Variants in CTNNB1 observed in about 807,000 individuals in gnomAD.
CTNNB1 encodes catenin beta 1, also known as catenin beta-1.
CTNNB1 carries 6 observed loss-of-function variants against 82.5 expected under a neutral mutation model. The observed-to-expected ratio is 0.07, with a 90% CI of 0.04 to 0.14. The LOEUF (loss-of-function observed/expected upper bound fraction) is 0.14. Among genes scored for constraint, CTNNB1 ranks in the 10% least tolerant of loss-of-function variants. The pLI, the probability that CTNNB1 is intolerant of heterozygous loss-of-function variation, is 1.00. For missense variants in CTNNB1, 529 were observed against 980.4 expected, an observed-to-expected ratio of 0.54 and a Z score of 6.15; for synonymous variants, 312 against 329.7, an observed-to-expected ratio of 0.95 and a Z score of 0.58.
At chr3:41,233,189 T>C (rs1479063987) in intron 7 of CTNNB1, 152 bp from the exon 8 acceptor site, 2 of 728,592 alleles carry the variant, frequency 2.7e-6, no homozygotes, top group African/African-American at 1.8e-5. Flanking sequence ...CTGAGCAACA[T>C]TCTAGAAAAT....
rs534393080 is a variant in CTNNB1 at position 41,216,114 on chromosome 3, A to G, written c.-48-7907A>G. 4.6e-5 allele frequency among the ~76,000 whole-genome samples: 7 copies of G among 152,298 alleles called. No homozygotes were observed. The East Asian group carries it at 7.7e-4, about 17-fold the overall frequency. ...ATTTTAACTGAACGGTTTATTAGCT[A>G]TTCTTACATTAATACTGCTAATCAG... On this transcript the variant is annotated intron_variant, in intron 1 of 14. Transcript: ENST00000349496.
At chr3:41,204,901 A>G (rs981771085) in intron 1 of CTNNB1, among the ~76,000 whole-genome samples, 1 of 152,240 alleles carries the variant, frequency 6.6e-6, no homozygotes, top group African/African-American at 2.4e-5. Context: ...TTATTTAGGC[A>G]CTTGGGAAAT....
chr3:41,214,815 G>A (rs564806381), intron 1 of CTNNB1, among the ~76,000 whole-genome samples: 1 of 151,892 alleles, frequency 6.6e-6, no homozygotes, highest in Non-Finnish European at 1.5e-5. Context: ...ATTTTGTGAC[G>A]TGAAAATTAT....
At chr3:41,211,065 T>C (rs2077773072) in intron 1 of CTNNB1, 1 of 456,468 alleles carries the variant, frequency 2.2e-6, no homozygotes, top group South Asian at 1.5e-5. Flanking sequence ...AGTGCGAGGA[T>C]TACAGGTAAG....
chr3:41,224,173 C>T (rs887847705), intron 2 of CTNNB1, 92 bp downstream of exon 2: 36 of 1,435,874 alleles, frequency 2.5e-5, no homozygotes, highest in Non-Finnish European at 5.9e-6. Context: ...TTTCCTCTCT[C>T]CCTGCTTACT....
intron 1 of CTNNB1, among the ~76,000 whole-genome samples, chr3:41,210,229 G>A (rs543515880): frequency 3.9e-5 from 6 of 152,204 alleles, no homozygotes; most frequent in South Asian, 4.2e-4. Context: ...TGAGGCAGGC[G>A]GATCACGAGG....
rs2078525529 is a variant in CTNNB1, at chr3:41,239,589, G to A, written c.*247G>A. ...TTTAATGTTTTTTGCCACAGCTTTT[G>A]CAACTTAATACTCAAATGAGTAACA... On this transcript the variant is annotated 3_prime_UTR_variant, in exon 15 of 15. Transcript: ENST00000349496. 1.8e-6 allele frequency: 1 copy of A among 546,612 alleles called. No individual in the cohort carries two copies. The highest frequency in any genetic ancestry group is 5.0e-4 in the Middle Eastern group (1 of 1,986). The allele number at this position is 546,612 out of a possible 1,614,324, so 33.9% of individuals were successfully genotyped here. A position where few individuals can be genotyped will look rare whatever the true frequency, so the allele number is the denominator to read the frequency against.
At position 41,240,150 on chromosome 3, in the gene CTNNB1, T is replaced by TGTAACAATTG. The variant is rs2078547419; in HGVS notation, c.*809_*818dup. Reference sequence around the variant, plus strand: ...CTAATTAATTGTAATCTGAATAAAGTGTAACAATTGTGTAGCCTTTTTGTA... The same window carrying TGTAACAATTG: ...CTAATTAATTGTAATCTGAATAAAGTGTAACAATTGGTAACAATTGTGTAGCCTTTTTGTA... On this transcript the variant is annotated 3_prime_UTR_variant, in exon 15 of 15. Transcript: ENST00000349496. The TGTAACAATTG allele has an allele frequency of 4.8e-6, 1 of 207,536 alleles. No homozygotes were observed. Among genetic ancestry groups the TGTAACAATTG allele is most frequent in the East Asian group, 7.4e-5 (1 of 13,492 alleles). 12.9% of individuals were successfully genotyped at this position (207,536 alleles called of 1,614,324 possible). A position where few individuals can be genotyped will look rare whatever the true frequency, so the allele number is the denominator to read the frequency against.
In CTNNB1 at chr3:41,225,932, G is replaced by A. The variant is rs1423266311; in HGVS notation, c.936+71G>A. 6.9e-7 allele frequency: 1 copy of A among 1,440,304 alleles called. No individual in the cohort carries two copies. Among genetic ancestry groups the A allele is most frequent in the Non-Finnish European group, 9.7e-7 (1 of 1,033,452 alleles). The allele number at this position is 1,440,304 out of a possible 1,614,324, so 89.2% of individuals were successfully genotyped here. A position where few individuals can be genotyped will look rare whatever the true frequency, so the allele number is the denominator to read the frequency against. On this transcript the variant is annotated intron_variant, in intron 6 of 14. Transcript: ENST00000349496. The surrounding 1 kb of genome is among the most constrained non-coding windows in gnomAD (Gnocchi z 5.3). Reference sequence around the variant, plus strand: ...CTCCAGTGTCATGTCATTCCATGCAGTGTTCCTAACCTTTTTGGCACCAGG... The same window carrying A: ...CTCCAGTGTCATGTCATTCCATGCAATGTTCCTAACCTTTTTGGCACCAGG...
At chr3:41,217,074 TC>T (rs1186932230) in intron 1 of CTNNB1, among the ~76,000 whole-genome samples, 1 of 152,218 alleles carries the variant, frequency 6.6e-6, no homozygotes, top group Non-Finnish European at 1.5e-5. Context: ...TCCTTACTGA[TC>T]TGATTCTCAT....
rs1015949085 is a variant in CTNNB1 at position 41,225,843 on chromosome 3, T to C, written c.918T>C (p.Tyr306=). Residue 306 remains tyrosine (Y), a synonymous_variant, in exon 6 of 15, where the codon TAT becomes TAC. Coordinates refer to ENST00000349496, the MANE Select transcript of CTNNB1 (RefSeq NM_001904.4). This position sits in a 1 kb window ranked among gnomAD's most constrained non-coding sequence, Gnocchi z 5.3. The stretch of plus-strand genomic sequence containing the variant: ...CAGACTGCCTTCAAATTTTAGCTTA[T>C]GGCAACCAAGAAAGCAAGGTAAGAG... ...ITTDCLQILA[Y]GNQESKLIIL... 10 of 1,613,712 alleles carry C rather than the reference T, an allele frequency of 6.2e-6. No individual in the cohort carries two copies. The highest frequency in any genetic ancestry group is 4.4e-5 in the South Asian group (4 of 91,064).
At chr3:41,204,536 G>C (rs2077605666) in intron 1 of CTNNB1, among the ~76,000 whole-genome samples, 1 of 152,156 alleles carries the variant, frequency 6.6e-6, no homozygotes, top group African/African-American at 2.4e-5. Context: ...GGGTAAATGG[G>C]ACCATGCAGA....
chr3:41,239,017 C>CAAGTT, intron 14 of CTNNB1, 117 bp from the exon 15 acceptor site: 2 of 885,218 alleles, frequency 2.3e-6, no homozygotes, highest in Non-Finnish European at 3.7e-6. Context: ...TGTTTTCTGA[C>CAAGTT]AAGTTTGCTG....
chr3:41,206,412 C>T (rs2077650273), intron 1 of CTNNB1, among the ~76,000 whole-genome samples: 2 of 151,920 alleles, frequency 1.3e-5, no homozygotes, highest in African/African-American at 2.4e-5. Context: ...TAGATATATG[C>T]ATATATATGT....
At position 41,233,464 on chromosome 3, in the gene CTNNB1, G is replaced by T. The variant is rs776107073; in HGVS notation, c.1185+20G>T. The T allele has an allele frequency of 6.2e-7, 1 of 1,613,676 alleles. No homozygotes were observed. The highest frequency in any genetic ancestry group is 8.5e-7 in the Non-Finnish European group (1 of 1,179,614). On this transcript the variant is annotated intron_variant, in intron 8 of 14. Coordinates refer to ENST00000349496, the MANE Select transcript of CTNNB1 (RefSeq NM_001904.4). ...AAACAGGTAAATTCTGAGTAAACTGGTGCCATGGGAATAGAGTCAAGATGA... is the reference window on the plus strand; with the variant it reads ...AAACAGGTAAATTCTGAGTAAACTGTTGCCATGGGAATAGAGTCAAGATGA...
chr3:41,210,403 G>A (rs368793521), intron 1 of CTNNB1, among the ~76,000 whole-genome samples: 4 of 152,242 alleles, frequency 2.6e-5, no homozygotes, highest in East Asian at 1.9e-4. Flanking sequence ...GCAGTGAGCC[G>A]AGATAGCGCC....
Position 41,239,159 on chromosome 3 carries a change from T to C in CTNNB1, c.2163T>C (p.Ser721=). 1 of 1,614,194 alleles carries C rather than the reference T, an allele frequency of 6.2e-7. No homozygotes were observed. The highest frequency in any genetic ancestry group is 8.5e-7 in the Non-Finnish European group (1 of 1,180,010). Residue 721 remains serine (S), a synonymous_variant, in exon 15 of 15, where the codon TCT becomes TCC. Transcript: ENST00000349496. Reference sequence around the variant, plus strand: ...ATCCTAGCTATCGTTCTTTTCACTCTGGTGGATATGGCCAGGATGCCTTGG... The same window carrying C: ...ATCCTAGCTATCGTTCTTTTCACTCCGGTGGATATGGCCAGGATGCCTTGG... ...QDDPSYRSFH[S]GGYGQDALGM...
Position 41,214,738 on chromosome 3 carries a change from G to GT in CTNNB1, c.-48-9276dup, listed in dbSNP as rs754561362. 2.6e-5 allele frequency among the ~76,000 whole-genome samples: 4 copies of GT among 151,714 alleles called. No individual in the cohort carries two copies. The East Asian group carries it at 5.8e-4, about 22-fold the overall frequency. On this transcript the variant is annotated intron_variant, in intron 1 of 14. Transcript: ENST00000349496. ...GTTGGCAAACTACTGCCCACCATCTGTTTTTTTATGGCCTATGAACTAAGA... is the reference window on the plus strand; with the variant it reads ...GTTGGCAAACTACTGCCCACCATCTGTTTTTTTTATGGCCTATGAACTAAGA...
At chr3:41,232,938 C>T (rs2078344693) in intron 7 of CTNNB1, among the ~76,000 whole-genome samples, 1 of 152,118 alleles carries the variant, frequency 6.6e-6, no homozygotes, top group South Asian at 2.1e-4. Context: ...CCAACTAGAT[C>T]ATAAATTCTG....
Sources: allele counts gnomAD v4.1 joint callset (sites outside exome capture counted in the v4.1 genomes callset), GRCh38; gene constraint gnomAD v4.1.1; non-coding constraint Gnocchi (gnomAD v3.1); transcripts MANE v1.5; gene names NCBI Gene and HGNC (gene_info 2026-07-23, HGNC 2026-07-21).